PTTG1IP2: variants seen among roughly 807,000 people sequenced by gnomAD.
The protein encoded by PTTG1IP2 is PTTG1IP family member 2.
intron 6 of PTTG1IP2, among the ~76,000 whole-genome samples, chr7:90,508,199 A>C (rs1239666917): frequency 6.6e-6 from 1 of 151,490 alleles, no homozygotes; most frequent in African/African-American, 2.4e-5. Context: ...CACAAGAAGC[A>C]GAGGTTGCAG....
At chr7:90,497,319 C>T (rs1037915631) in intron 6 of PTTG1IP2, among the ~76,000 whole-genome samples, 1 of 152,092 alleles carries the variant, frequency 6.6e-6, no homozygotes, top group African/African-American at 2.4e-5. Context: ...AATCCCAACA[C>T]TTTGGGAAGC....
intron 4 of PTTG1IP2, among the ~76,000 whole-genome samples, chr7:90,490,322 A>G (rs954365221): frequency 2.0e-5 from 3 of 152,134 alleles, no homozygotes; most frequent in Non-Finnish European, 4.4e-5. Context: ...ATAAGAAGGA[A>G]CTGTAAATAA....
At chr7:90,503,444 A>G (rs1798084105) in intron 6 of PTTG1IP2, among the ~76,000 whole-genome samples, 1 of 152,248 alleles carries the variant, frequency 6.6e-6, no homozygotes, top group African/African-American at 2.4e-5. Context: ...GTTTGGCACA[A>G]GAGGCCCAGC....
At chr7:90,500,783 T>C (rs1242254471) in intron 6 of PTTG1IP2, among the ~76,000 whole-genome samples, 1 of 152,218 alleles carries the variant, frequency 6.6e-6, no homozygotes, top group African/African-American at 2.4e-5. Flanking sequence ...GCTGGCTGCA[T>C]TGGCTAGGGC....
chr7:90,489,852 T>C (rs1797919237), intron 4 of PTTG1IP2, among the ~76,000 whole-genome samples: 1 of 152,012 alleles, frequency 6.6e-6, no homozygotes, highest in African/African-American at 2.4e-5. Context: ...TTTCACAAAA[T>C]CATGCTACAT....
At chr7:90,509,112 G>C (rs1798156434) in intron 6 of PTTG1IP2, among the ~76,000 whole-genome samples, 1 of 124,104 alleles carries the variant, frequency 8.1e-6, no homozygotes. Context: ...GAATGTGAAG[G>C]CTTTTTTTTT....
At chr7:90,510,952 C>T (rs1359010097) in intron 6 of PTTG1IP2, among the ~76,000 whole-genome samples, 7 of 152,104 alleles carry the variant, frequency 4.6e-5, no homozygotes, top group East Asian at 1.9e-4. Context: ...TCTGGAATAC[C>T]GTAATTTTGT....
chr7:90,506,009 A>G lies in PTTG1IP2; in HGVS notation c.*51-7269A>G, dbSNP rs888360997. On this transcript the variant is annotated intron_variant, in intron 6 of 6. Coordinates refer to ENST00000509356, the MANE Select transcript of PTTG1IP2 (RefSeq NM_001365443.2). The stretch of plus-strand genomic sequence containing the variant: ...CCGTCTCAAAAAAAAAAAAAAAAAA[A>G]AAAAAAAAAAAGAAAATGCCTGTTT... 1.3e-4 allele frequency among the ~76,000 whole-genome samples: 16 copies of G among 127,796 alleles called. No individual in the cohort carries two copies. In the East Asian group the frequency reaches 2.4e-3, roughly 20 times the overall value. The allele number at this position is 127,796 out of a possible 152,430, so 83.8% of individuals were successfully genotyped here.
chr7:90,478,148 G>C (rs1321987095), intron 1 of PTTG1IP2, among the ~76,000 whole-genome samples: 1 of 151,492 alleles, frequency 6.6e-6, no homozygotes, highest in Non-Finnish European at 1.5e-5. Context: ...CTGGGTGAGG[G>C]GGTATACAGG....
At chr7:90,489,556 C>T (rs1051561874) in intron 4 of PTTG1IP2, among the ~76,000 whole-genome samples, 13 of 151,786 alleles carry the variant, frequency 8.6e-5, no homozygotes, top group Non-Finnish European at 1.6e-4. Flanking sequence ...TTTCCTCTAT[C>T]TCCTAAATTC....
intron 6 of PTTG1IP2, among the ~76,000 whole-genome samples, chr7:90,506,265 A>T (rs968709550): frequency 1.3e-5 from 2 of 151,810 alleles, no homozygotes; most frequent in Non-Finnish European, 2.9e-5. Flanking sequence ...AACCAATACA[A>T]TTTTTTCCAA....
intron 5 of PTTG1IP2, among the ~76,000 whole-genome samples, chr7:90,493,599 T>C (rs558269557): frequency 1.3e-5 from 2 of 152,322 alleles, no homozygotes; most frequent in African/African-American, 4.8e-5. Flanking sequence ...AGATTGAGAA[T>C]TGTCAGATTC....
At chr7:90,501,625 C>T (rs968199387) in intron 6 of PTTG1IP2, among the ~76,000 whole-genome samples, 30 of 152,270 alleles carry the variant, frequency 2.0e-4, no homozygotes, top group African/African-American at 5.8e-4. Flanking sequence ...AGCTCTGATC[C>T]TCCACAGCAC....
intron 6 of PTTG1IP2, among the ~76,000 whole-genome samples, chr7:90,505,318 C>G (rs1340033722): frequency 2.0e-5 from 3 of 152,198 alleles, no homozygotes; most frequent in Non-Finnish European, 4.4e-5. Context: ...TATTGTTGGA[C>G]TGCAGGTGAG....
intron 1 of PTTG1IP2, among the ~76,000 whole-genome samples, chr7:90,476,841 C>T (rs1247404723): frequency 1.3e-5 from 2 of 152,018 alleles, no homozygotes; most frequent in African/African-American, 4.8e-5. Context: ...TACATATACT[C>T]CCCATTGTTT....
chr7:90,502,827 T>C (rs1798074636), intron 6 of PTTG1IP2, among the ~76,000 whole-genome samples: 1 of 152,340 alleles, frequency 6.6e-6, no homozygotes, highest in Non-Finnish European at 1.5e-5. Flanking sequence ...TTTAGCATAA[T>C]TCTTAAGTGT....
At chr7:90,472,114 C>T (rs1797695432) in intron 1 of PTTG1IP2, among the ~76,000 whole-genome samples, 1 of 152,006 alleles carries the variant, frequency 6.6e-6, no homozygotes, top group African/African-American at 2.4e-5. Flanking sequence ...TGAAAAAAAT[C>T]TCAAGGATCA....
intron 6 of PTTG1IP2, among the ~76,000 whole-genome samples, chr7:90,495,169 T>G (rs1797979897): frequency 6.6e-6 from 1 of 152,240 alleles, no homozygotes; most frequent in South Asian, 2.1e-4. Context: ...GTTCCTAATT[T>G]GTTAATATTA....
chr7:90,505,990 CAAAAAAAAAAA>C (rs59521168), intron 6 of PTTG1IP2, among the ~76,000 whole-genome samples: 5 of 77,358 alleles, frequency 6.5e-5, no homozygotes, highest in East Asian at 8.4e-4. Context: ...GACTCCGTCT[CAAAAAAAAAAA>C]AAAAAAAAAA....
Sources: allele counts gnomAD v4.1 joint callset (sites outside exome capture counted in the v4.1 genomes callset), GRCh38; gene constraint gnomAD v4.1.1; transcripts MANE v1.5; gene names NCBI Gene and HGNC (gene_info 2026-07-23, HGNC 2026-07-21).